ITGB8: variants seen among roughly 807,000 people sequenced by gnomAD.
ITGB8 encodes the protein integrin beta-8.
ITGB8 carries 30 observed loss-of-function variants against 89.5 expected under a neutral mutation model. That is an observed-to-expected ratio of 0.34 (90% CI 0.25 to 0.45). The LOEUF is 0.45. Ranked by LOEUF, ITGB8 falls within the 20% of genes least tolerant of loss-of-function variation. The pLI is 1.00. For synonymous variants in ITGB8, 335 were observed against 320.4 expected, an observed-to-expected ratio of 1.05 and a Z score of -0.49; for missense variants, 836 against 933.3, an observed-to-expected ratio of 0.90 and a Z score of 1.36.
chr7:20,332,708 CAAAGG>C (rs886892258), intron 1 of ITGB8, among the ~76,000 whole-genome samples: 3 of 152,178 alleles, frequency 2.0e-5, no homozygotes, highest in Non-Finnish European at 2.9e-5. Flanking sequence ...CTCTAAATCA[CAAAGG>C]AAAGTTCAAG....
intron 1 of ITGB8, among the ~76,000 whole-genome samples, chr7:20,356,144 G>A (rs1785286087): frequency 6.6e-6 from 1 of 152,024 alleles, no homozygotes; most frequent in Non-Finnish European, 1.5e-5. Context: ...ACATTTAACT[G>A]ACTTTTGTTT....
At chr7:20,357,780 T>C (rs756317120) in intron 1 of ITGB8, among the ~76,000 whole-genome samples, 1 of 152,202 alleles carries the variant, frequency 6.6e-6, no homozygotes, top group Non-Finnish European at 1.5e-5. Flanking sequence ...TTAGCAATAC[T>C]ACCTCATCAC....
chr7:20,378,116 T>C (rs1583509948), intron 3 of ITGB8, among the ~76,000 whole-genome samples: 1 of 152,234 alleles, frequency 6.6e-6, no homozygotes, highest in Non-Finnish European at 1.5e-5. Context: ...CTTTTCACCA[T>C]ATACTTGAAA....
intron 8 of ITGB8, 69 bp from the exon 9 acceptor site, chr7:20,398,791 C>G (rs1045829728): frequency 8.9e-7 from 1 of 1,124,182 alleles, no homozygotes; most frequent in Non-Finnish European, 1.2e-6. Flanking sequence ...ATTTAATAAG[C>G]TTGACTCTGC....
intron 1 of ITGB8, among the ~76,000 whole-genome samples, chr7:20,351,438 T>C (rs748762980): frequency 3.9e-5 from 6 of 152,226 alleles, no homozygotes; most frequent in Admixed American, 6.5e-5. Flanking sequence ...AGCAGAACTT[T>C]CCTCATGGGA....
At chr7:20,350,739 CCT>C (rs1488040418) in intron 1 of ITGB8, among the ~76,000 whole-genome samples, 2 of 152,204 alleles carry the variant, frequency 1.3e-5, no homozygotes, top group Admixed American at 1.3e-4. Flanking sequence ...TGCCTTCTCC[CCT>C]GTTCCAGATT....
chr7:20,336,681 C>T (rs1784589436), intron 1 of ITGB8, among the ~76,000 whole-genome samples: 1 of 152,224 alleles, frequency 6.6e-6, no homozygotes, highest in Admixed American at 6.5e-5. Flanking sequence ...CCTTTCTACT[C>T]AGAACTTTCC....
At chr7:20,380,265 T>G (rs541971424) in intron 4 of ITGB8, 5 of 160,558 alleles carry the variant, frequency 3.1e-5, no homozygotes, top group South Asian at 1.8e-4. Context: ...TAAAAAAAAC[T>G]AATATCATAT....
chr7:20,330,492 G>C (rs1310458755), upstream of ITGB8, among the ~76,000 whole-genome samples: 2 of 152,188 alleles, frequency 1.3e-5, no homozygotes, highest in East Asian at 1.9e-4. Context: ...GCAAGGATTC[G>C]GGGGAGGAGG....
At chr7:20,397,472 T>G (rs554657779) in intron 8 of ITGB8, among the ~76,000 whole-genome samples, 4 of 152,274 alleles carry the variant, frequency 2.6e-5, no homozygotes, top group African/African-American at 9.6e-5. Flanking sequence ...GTGAGCCACC[T>G]GCCTCAGCCT....
chr7:20,397,760 G>C (rs1787146603), intron 8 of ITGB8, among the ~76,000 whole-genome samples: 1 of 152,170 alleles, frequency 6.6e-6, no homozygotes, highest in Non-Finnish European at 1.5e-5. Flanking sequence ...TTAGAGGAAA[G>C]TCTCTTGTTC....
intron 1 of ITGB8, among the ~76,000 whole-genome samples, chr7:20,359,880 TGAAGTATAACCATGACACTCTCCA>T (rs1469218062): frequency 6.6e-6 from 1 of 152,234 alleles, no homozygotes; most frequent in East Asian, 1.9e-4. Context: ...ATGTCTTCTG[TGAAGTATAACCATGACACTCTCCA>T]GAAATAATGT....
rs1191054546 is a variant in ITGB8 at position 20,331,575 on chromosome 7, C to T, written c.-232C>T. 1.1e-5 allele frequency: 5 copies of T among 466,134 alleles called. No individual in the cohort carries two copies. The highest frequency in any genetic ancestry group is 1.8e-5 in the Non-Finnish European group (5 of 274,814). The allele number at this position is 466,134 out of a possible 1,614,324, so 28.9% of individuals were successfully genotyped here. ...TCGAAGGAGGTGCTTCTCGCGGAGA[C>T]CGCGGGACCCGCCGTGCCGAGCCGG... On this transcript the variant is annotated 5_prime_UTR_variant, in exon 1 of 14. Coordinates refer to ENST00000222573, the MANE Select transcript of ITGB8 (RefSeq NM_002214.3).
At chr7:20,368,927 G>A (rs1446383536) in intron 3 of ITGB8, among the ~76,000 whole-genome samples, 1 of 151,998 alleles carries the variant, frequency 6.6e-6, no homozygotes, top group Non-Finnish European at 1.5e-5. Context: ...CTATAATCTA[G>A]GGCCTTTCCC....
intron 1 of ITGB8, among the ~76,000 whole-genome samples, chr7:20,345,651 C>T (rs891453242): frequency 6.6e-6 from 1 of 151,998 alleles, no homozygotes; most frequent in African/African-American, 2.4e-5. Context: ...ATAGCAGGAT[C>T]GAAGGACTGG....
At chr7:20,362,268 GGCTA>G (rs1378826626) in intron 1 of ITGB8, among the ~76,000 whole-genome samples, 1 of 152,168 alleles carries the variant, frequency 6.6e-6, no homozygotes, top group East Asian at 1.9e-4. Flanking sequence ...GTTGGAATAT[GGCTA>G]GCTAGAGATT....
At chr7:20,382,430 G>A (rs1786436984) in intron 6 of ITGB8, among the ~76,000 whole-genome samples, 1 of 152,082 alleles carries the variant, frequency 6.6e-6, no homozygotes, top group Admixed American at 6.6e-5. Context: ...GCTTCCTGAG[G>A]GTTAGTATAA....
chr7:20,392,182 T>G lies in ITGB8; in HGVS notation c.1056+684T>G, dbSNP rs148246217. Among the ~76,000 whole-genome samples the G allele has an allele frequency of 3.8e-3, 577 of 152,272 alleles. 5 individuals are homozygous for G. Among genetic ancestry groups the G allele is most frequent in the African/African-American group, 0.013 (543 of 41,544 alleles). ...CACAATCTTTAAGGCTCTTTCTTCC[T>G]AGAAACTCTCTTGTTCTCATTTTCA... On this transcript the variant is annotated intron_variant, in intron 7 of 13. Transcript: ENST00000222573.
intron 2 of ITGB8, among the ~76,000 whole-genome samples, chr7:20,364,035 T>C (rs1785601313): frequency 1.3e-5 from 2 of 152,230 alleles, no homozygotes; most frequent in African/African-American, 4.8e-5. Context: ...GGCTTTGGTG[T>C]GGAATTCTTG....
Sources: gnomAD v4.1 joint callset for allele counts (sites outside exome capture counted in the v4.1 genomes callset) on GRCh38, gnomAD v4.1.1 for gene constraint, MANE v1.5 for transcripts, NCBI Gene and HGNC (gene_info 2026-07-23, HGNC 2026-07-21) for gene names.